The following EEA1 variants were observed in gnomAD, a reference collection of about 807,000 sequenced individuals.
EEA1 encodes early endosome antigen 1, 162kD.
Under a neutral mutation model 209.2 loss-of-function variants are expected in EEA1, and 111 were observed. The observed-to-expected ratio is 0.53, with a 90% CI of 0.45 to 0.62. EEA1 has a LOEUF of 0.62. Among genes scored for constraint, EEA1 ranks in the 20% least tolerant of loss-of-function variants. The pLI, the probability that EEA1 is intolerant of heterozygous loss-of-function variation, is 0.00. For synonymous variants in EEA1, 536 were observed against 540.6 expected (o/e 0.99, Z 0.12); for missense variants, 1,343 against 1,530.8 (o/e 0.88, Z 2.05).
At position 92,875,881 on chromosome 12, in the gene EEA1, C is replaced by G. The variant is rs78685706; in HGVS notation, c.118-10894G>C. Reference sequence around the variant, plus strand: ...CTTAGAGACCTGCTGTTCCACAGACCTGGAAAAATACTTGCCCCAGAAATC... The same window carrying G: ...CTTAGAGACCTGCTGTTCCACAGACGTGGAAAAATACTTGCCCCAGAAATC... On this transcript the variant is annotated intron_variant, in intron 2 of 28. Transcript: ENST00000322349. Among the ~76,000 whole-genome samples, 479 of 152,178 alleles carry G rather than the reference C, an allele frequency of 3.1e-3. 1 individual carries two copies. Among genetic ancestry groups the G allele is most frequent in the Non-Finnish European group, 5.0e-3 (341 of 68,002 alleles).
chr12:92,886,866 C>T (rs1879430503), intron 2 of EEA1, among the ~76,000 whole-genome samples: 1 of 151,752 alleles, frequency 6.6e-6, no homozygotes, highest in African/African-American at 2.4e-5. Context: ...GGTGTGGTGG[C>T]AGGCGCCTGT....
At chr12:92,796,097 CAGAT>C (rs1179029790) in intron 21 of EEA1, among the ~76,000 whole-genome samples, 1 of 151,002 alleles carries the variant, frequency 6.6e-6, no homozygotes, top group Non-Finnish European at 1.5e-5. Flanking sequence ...AAAAAAAAAA[CAGAT>C]AAATGCAACA....
chr12:92,855,461 A>G (rs1877838091), intron 5 of EEA1, among the ~76,000 whole-genome samples: 1 of 134,384 alleles, frequency 7.4e-6, no homozygotes, highest in Admixed American at 7.6e-5. Flanking sequence ...ATGCTATCAA[A>G]CTATCACTAC....
chr12:92,881,709 G>C (rs538969091), intron 2 of EEA1, among the ~76,000 whole-genome samples: 76 of 152,156 alleles, frequency 5.0e-4, no homozygotes, highest in Non-Finnish European at 9.4e-4. Context: ...AAGCCAGCTT[G>C]GAATAGGATA....
intron 1 of EEA1, among the ~76,000 whole-genome samples, chr12:92,928,276 T>C (rs999590955): frequency 2.0e-5 from 3 of 152,226 alleles, no homozygotes; most frequent in African/African-American, 7.2e-5. Context: ...AGTTTTCTAA[T>C]GCTCTAATCT....
chr12:92,838,020 C>A lies in EEA1; in HGVS notation c.915+4445G>T, dbSNP rs569269829. 2.0e-5 allele frequency among the ~76,000 whole-genome samples: 3 copies of A among 152,220 alleles called. No individual in the cohort carries two copies. In the East Asian group the frequency reaches 5.8e-4, roughly 29 times the overall value. ...ACTGTGGGCTTGCACTGACTGGTGA[C>A]CAAATCCCAAACAGAGAAACCCTTT... On this transcript the variant is annotated intron_variant, in intron 10 of 28. Coordinates refer to ENST00000322349, the MANE Select transcript of EEA1 (RefSeq NM_003566.4).
chr12:92,788,198 C>T (rs1874225977), intron 21 of EEA1, 149 bp from the exon 22 acceptor site: 1 of 463,454 alleles, frequency 2.2e-6, no homozygotes, highest in African/African-American at 2.0e-5. Context: ...GGGTAAATTA[C>T]TTATAAAGTC....
chr12:92,851,184 A>G lies in EEA1; in HGVS notation c.725T>C (p.Leu242Ser), dbSNP rs1877614943. The G allele has an allele frequency of 1.2e-6, 2 of 1,613,852 alleles. No individual in the cohort carries two copies. The highest frequency in any genetic ancestry group is 2.7e-5 in the African/African-American group (2 of 74,918). Residue 242 changes from leucine (L) to serine (S), a missense_variant, in exon 9 of 29, where the codon TTG (leucine) becomes TCG (serine). Leu to Ser is a moderately radical substitution (Grantham distance 145). Coordinates refer to ENST00000322349, the MANE Select transcript of EEA1 (RefSeq NM_003566.4). ...QVQTLMDNMTLERERESEKLK... is the reference protein window; with the variant it reads ...QVQTLMDNMTSERERESEKLK... ...TTTTTCAGATTCTCGCTCACGTTCC[A>G]AGGTCATGTTATCCATTAGTGTTTG...
intron 2 of EEA1, among the ~76,000 whole-genome samples, chr12:92,888,844 T>C (rs1879536477): frequency 6.6e-6 from 1 of 152,080 alleles, no homozygotes; most frequent in Non-Finnish European, 1.5e-5. Context: ...AGACATTATG[T>C]ATGTTACAAA....
Position 92,851,201 on chromosome 12 carries a change from T to C in EEA1, c.708A>G (p.Leu236=). Residue 236 remains leucine, a synonymous_variant, in exon 9 of 29, where the codon CTA becomes CTG. Coordinates refer to ENST00000322349, the MANE Select transcript of EEA1 (RefSeq NM_003566.4). ...LKKELVQVQT[L]MDNMTLERER... ...CACGTTCCAAGGTCATGTTATCCAT[T>C]AGTGTTTGAACTTGGACCAGTTCTT... is the stretch of plus-strand genomic sequence containing the variant. 2 of 1,613,994 alleles carry C rather than the reference T, an allele frequency of 1.2e-6. No individual in the cohort carries two copies. Among genetic ancestry groups the C allele is most frequent in the Non-Finnish European group, 1.7e-6 (2 of 1,179,900 alleles).
chr12:92,887,119 A>G (rs1378300961), intron 2 of EEA1, among the ~76,000 whole-genome samples: 1 of 152,220 alleles, frequency 6.6e-6, no homozygotes, highest in Non-Finnish European at 1.5e-5. Context: ...TATTCTCCAT[A>G]GCTGAGGAAA....
chr12:92,800,833 T>TAAA (rs1446787932), intron 20 of EEA1, among the ~76,000 whole-genome samples: 2 of 152,212 alleles, frequency 1.3e-5, no homozygotes, highest in African/African-American at 4.8e-5. Flanking sequence ...ATTTGAACAA[T>TAAA]CTTGATTCAG....
At chr12:92,870,504 G>A (rs907593769) in intron 2 of EEA1, among the ~76,000 whole-genome samples, 9 of 151,956 alleles carry the variant, frequency 5.9e-5, no homozygotes, top group East Asian at 1.9e-4. Flanking sequence ...AAATATTTTC[G>A]GACTGATCCA....
At chr12:92,796,954 A>T (rs2136662691) in intron 21 of EEA1, among the ~76,000 whole-genome samples, 1 of 152,366 alleles carries the variant, frequency 6.6e-6, no homozygotes, top group Non-Finnish European at 1.5e-5. Context: ...TCCAAATTTA[A>T]CAAAATTAAA....
chr12:92,910,935 AC>A (rs2136776679), intron 1 of EEA1, among the ~76,000 whole-genome samples: 1 of 152,382 alleles, frequency 6.6e-6, no homozygotes, highest in African/African-American at 2.4e-5. Context: ...ACAATGGGAT[AC>A]CACAACACAG....
chr12:92,806,416 G>A (rs1371521040), intron 18 of EEA1, among the ~76,000 whole-genome samples: 1 of 151,954 alleles, frequency 6.6e-6, no homozygotes, highest in Admixed American at 6.6e-5. Flanking sequence ...AAGACACAAT[G>A]TACCAAAACT....
chr12:92,787,755 A>G, intron 22 of EEA1, 112 bp downstream of exon 22: 1 of 853,824 alleles, frequency 1.2e-6, no homozygotes, highest in East Asian at 3.1e-5. Context: ...AGAAAACAGC[A>G]CACTATTCCA....
chr12:92,778,078 A>G lies in EEA1; in HGVS notation c.3756T>C (p.Thr1252=). 1 of 1,613,444 alleles carries G rather than the reference A, an allele frequency of 6.2e-7. No individual in the cohort carries two copies. The highest frequency in any genetic ancestry group is 1.1e-5 in the South Asian group (1 of 91,076). ...QITALNENLG[T]VKKEWQSSQR... is the part of the protein sequence containing the mutation. ...GACTAGATTGCCACTCCTTCTTCAC[A>G]GTGCCTAAGTTTTCATTTAATGCTG... The change falls in exon 26 of 29, where the codon ACT becomes ACC. Residue 1252 remains threonine, a synonymous_variant. Transcript: ENST00000322349.
chr12:92,834,437 C>T (rs944118919), intron 10 of EEA1, among the ~76,000 whole-genome samples: 6 of 150,036 alleles, frequency 4.0e-5, no homozygotes, highest in East Asian at 3.9e-4. Flanking sequence ...CCTAGCTACC[C>T]GAGAGGCTAA....
Sources: gnomAD v4.1 joint callset for allele counts (sites outside exome capture counted in the v4.1 genomes callset) on GRCh38, gnomAD v4.1.1 for gene constraint, MANE v1.5 for transcripts, NCBI Gene and HGNC (gene_info 2026-07-23, HGNC 2026-07-21) for gene names.